DDAH1: variants seen among roughly 807,000 people sequenced by gnomAD.
DDAH1 encodes dimethylarginine dimethylaminohydrolase 1.
DDAH1 carries 19 observed loss-of-function variants against 28.8 expected under a neutral mutation model. The ratio of observed to expected loss-of-function variants is 0.66; its 90% CI spans 0.46 to 0.97. The LOEUF (loss-of-function observed/expected upper bound fraction) is 0.97. DDAH1 is among the 50% of genes least tolerant of loss of function. The pLI is 0.00. For synonymous variants in DDAH1, 153 were observed against 154.4 expected (o/e 0.99, Z 0.07); for missense variants, 326 against 375.9 (o/e 0.87, Z 1.10).
chr1:85,477,808 C>A (rs1465010666), intron 2 of DDAH1, among the ~76,000 whole-genome samples: 1 of 151,984 alleles, frequency 6.6e-6, no homozygotes, highest in Admixed American at 6.5e-5. Context: ...AACATCTCAA[C>A]CATCAAATTA....
intron 1 of DDAH1, among the ~76,000 whole-genome samples, chr1:85,529,349 C>T (rs1336743081): frequency 1.3e-5 from 2 of 151,970 alleles, no homozygotes; most frequent in Admixed American, 1.3e-4. Flanking sequence ...GGGGCCTATC[C>T]ATACCTTTTC....
intron 2 of DDAH1, among the ~76,000 whole-genome samples, chr1:85,352,974 T>C (rs1649301251): frequency 6.6e-6 from 1 of 152,126 alleles, no homozygotes; most frequent in Admixed American, 6.6e-5. Context: ...GAGGAAACAA[T>C]CTGGGGAAAG....
At chr1:85,339,461 T>C (rs968330256) in intron 4 of DDAH1, among the ~76,000 whole-genome samples, 1 of 152,208 alleles carries the variant, frequency 6.6e-6, no homozygotes, top group African/African-American at 2.4e-5. Context: ...GAAAATGAGA[T>C]TTAGAAATAT....
intron 1 of DDAH1, among the ~76,000 whole-genome samples, chr1:85,381,548 C>T (rs148710807): frequency 3.3e-5 from 5 of 151,246 alleles, no homozygotes; most frequent in East Asian, 2.0e-4. Flanking sequence ...TATGCCTTTA[C>T]GCCTGCATTG....
chr1:85,375,317 T>C (rs1482543566), intron 1 of DDAH1, among the ~76,000 whole-genome samples: 2 of 152,072 alleles, frequency 1.3e-5, no homozygotes, highest in South Asian at 2.1e-4. Flanking sequence ...AAACCCAGAA[T>C]GCACCTGGTC....
chr1:85,417,631 A>G (rs1220997478), intron 1 of DDAH1, among the ~76,000 whole-genome samples: 1 of 152,198 alleles, frequency 6.6e-6, no homozygotes, highest in Non-Finnish European at 1.5e-5. Flanking sequence ...CCTTAAAAAT[A>G]TTTCTCTTTA....
rs567422075 is a variant in DDAH1, at chr1:85,350,478, G to T, written c.534C>A (p.Cys178Ter). The change falls in exon 4 of 6, where the codon TGC becomes TGA. Residue 178 changes from cysteine (C) to a stop codon, truncating the protein, a stop_gained. Transcript: ENST00000284031. LOFTEE classifies it high-confidence loss of function. ...VADGLHLKSF[C>*]SMAGPNLIAI... ...CGATCAGGTTAGGCCCAGCCATGCT[G>T]CAGAAACTCTTCAAATGCAACCCAT... 1 of 1,614,120 alleles carries T rather than the reference G, an allele frequency of 6.2e-7. No individual in the cohort carries two copies. Among genetic ancestry groups the T allele is most frequent in the African/African-American group, 1.3e-5 (1 of 75,018 alleles).
chr1:85,340,924 A>C (rs1216990393), intron 4 of DDAH1, among the ~76,000 whole-genome samples: 1 of 152,090 alleles, frequency 6.6e-6, no homozygotes. Context: ...GGTACTACTG[A>C]CACTTCCCCA....
chr1:85,500,055 CTCT>C (rs1570612661), intron 1 of DDAH1, among the ~76,000 whole-genome samples: 2 of 112,158 alleles, frequency 1.8e-5, no homozygotes, highest in East Asian at 4.8e-4. Context: ...TTCTTTCTCT[CTCT>C]TTTCTTTTCT....
intron 1 of DDAH1, among the ~76,000 whole-genome samples, chr1:85,544,083 T>C (rs990629241): frequency 1.3e-5 from 2 of 152,252 alleles, no homozygotes; most frequent in Non-Finnish European, 2.9e-5. Flanking sequence ...GAATGCATTA[T>C]GCACTGATGT....
rs75564843 is a variant in DDAH1 at position 85,420,838 on chromosome 1, G to C, written c.303+43905C>G. Among the ~76,000 whole-genome samples the C allele has an allele frequency of 9.7e-4, 148 of 152,252 alleles. 1 individual carries two copies. Among genetic ancestry groups the C allele is most frequent in the Middle Eastern group, 3.4e-3 (1 of 294 alleles). On this transcript the variant is annotated intron_variant, in intron 1 of 5. Transcript: ENST00000284031. ...TCCTCAGTACTGATTTTCTGTGTTA[G>C]ACCATTCCCACATTGCTATAAAGAA...
At chr1:85,465,855 C>T (rs1655361222), upstream of DDAH1, among the ~76,000 whole-genome samples, 3 of 152,148 alleles carry the variant, frequency 2.0e-5, no homozygotes, top group African/African-American at 7.2e-5. Context: ...ACATTCTGGT[C>T]AGCTTCCTTT....
intron 1 of DDAH1, among the ~76,000 whole-genome samples, chr1:85,570,738 C>CTTT (rs1659432027): frequency 6.6e-6 from 1 of 152,134 alleles, no homozygotes; most frequent in South Asian, 2.1e-4. Context: ...CACGTGATGG[C>CTTT]AATGATCCCA....
At chr1:85,395,060 A>G (rs35294786) in intron 1 of DDAH1, among the ~76,000 whole-genome samples, 1 of 151,984 alleles carries the variant, frequency 6.6e-6, no homozygotes, top group African/African-American at 2.4e-5. Flanking sequence ...TACCAAGAGA[A>G]AGTAAAATGT....
intron 1 of DDAH1, among the ~76,000 whole-genome samples, chr1:85,508,157 C>T (rs753162302): frequency 1.3e-5 from 2 of 152,152 alleles, no homozygotes; most frequent in Non-Finnish European, 2.9e-5. Flanking sequence ...TGCTTTGTAA[C>T]CGTGTGAATA....
intron 1 of DDAH1, among the ~76,000 whole-genome samples, chr1:85,450,041 T>C (rs1654600368): frequency 6.6e-6 from 1 of 152,236 alleles, no homozygotes; most frequent in African/African-American, 2.4e-5. Flanking sequence ...ACCGGTCTCA[T>C]CTAAAAGCTG....
intron 1 of DDAH1, among the ~76,000 whole-genome samples, chr1:85,436,231 A>T (rs483524): frequency 0.61 from 80,482 of 130,886 alleles, 21,533 homozygotes; most frequent in Middle Eastern, 0.72. Flanking sequence ...GTGATAATTT[A>T]AAAAATTTTT....
At chr1:85,466,319 C>T (rs1034400520), upstream of DDAH1, among the ~76,000 whole-genome samples, 2 of 152,204 alleles carry the variant, frequency 1.3e-5, no homozygotes, top group African/African-American at 4.8e-5. Context: ...GGCACGATCT[C>T]GGCTTACTTC....
chr1:85,465,063 G>GGGC lies in DDAH1; in HGVS notation c.-21_-19dup, dbSNP rs570812494. On this transcript the variant is annotated 5_prime_UTR_variant, in exon 1 of 6. Coordinates refer to ENST00000284031, the MANE Select transcript of DDAH1 (RefSeq NM_012137.4). The stretch of plus-strand genomic sequence containing the variant: ...CCGGCCATGGCTTCGGGAGGCTTAG[G>GGGC]GGCGGCGGCGGCGGCGGAGGCGGCC... The GGGC allele has an allele frequency of 1.4e-4, 177 of 1,232,528 alleles. 1 individual carries two copies. The African/African-American group carries it at 2.2e-3, about 15-fold the overall frequency. The allele number at this position is 1,232,528 out of a possible 1,614,324, so 76.3% of individuals were successfully genotyped here.
Sources: allele counts gnomAD v4.1 joint callset (sites outside exome capture counted in the v4.1 genomes callset), GRCh38; gene constraint gnomAD v4.1.1; transcripts MANE v1.5; gene names NCBI Gene and HGNC (gene_info 2026-07-23, HGNC 2026-07-21).